The following TRDN variants were observed in gnomAD, a reference collection of about 807,000 sequenced individuals.
TRDN encodes triadin in skeletal muscle.
In TRDN, 161 loss-of-function variants were observed where a neutral mutation model predicts 149.7. The observed-to-expected ratio is 1.08, with a 90% CI of 0.95 to 1.23. TRDN has a LOEUF of 1.23. Among genes scored for constraint, TRDN ranks in the 50% most tolerant of loss-of-function variants. TRDN has a pLI of 0.00. For synonymous variants in TRDN, 294 were observed against 250.5 expected (o/e 1.17, Z -1.64); for missense variants, 896 against 823.5 (o/e 1.09, Z -1.08).
intron 8 of TRDN, 63 bp downstream of exon 8, chr6:123,503,656 G>T: frequency 1.2e-6 from 2 of 1,604,252 alleles, no homozygotes; most frequent in Non-Finnish European, 1.7e-6. Context: ...TAATTTCACT[G>T]CATGTGCTTC....
intron 9 of TRDN, among the ~76,000 whole-genome samples, chr6:123,472,740 C>T (rs963722912): frequency 1.1e-4 from 16 of 152,120 alleles, no homozygotes; most frequent in Non-Finnish European, 1.8e-4. Context: ...GATCTGAGAA[C>T]GGGCAGAGAA....
At chr6:123,436,218 G>C (rs75975090) in intron 12 of TRDN, among the ~76,000 whole-genome samples, 2,403 of 152,204 alleles carry the variant, frequency 0.016, 31 homozygotes, top group Non-Finnish European at 0.025. Context: ...ACTGCTCTAA[G>C]CAAGCAGTTT....
intron 10 of TRDN, chr6:123,439,527 A>G (rs41284432): frequency 0.12 from 18,685 of 152,334 alleles, 1,667 homozygotes; most frequent in South Asian, 0.3. Context: ...AGTGTCTGGC[A>G]GTGTGTTGGA....
intron 1 of TRDN, among the ~76,000 whole-genome samples, chr6:123,585,830 A>G (rs1200572850): frequency 6.6e-6 from 1 of 151,998 alleles, no homozygotes; most frequent in Non-Finnish European, 1.5e-5. Context: ...TGTGTGCTGG[A>G]GATGTGGCTG....
intron 22 of TRDN, among the ~76,000 whole-genome samples, chr6:123,336,860 A>G (rs1779891446): frequency 6.6e-6 from 1 of 151,350 alleles, no homozygotes; most frequent in East Asian, 1.9e-4. Context: ...GTACATATAT[A>G]TAACACATAT....
At chr6:123,282,386 G>T (rs1370187688) in intron 24 of TRDN, among the ~76,000 whole-genome samples, 1 of 151,836 alleles carries the variant, frequency 6.6e-6, no homozygotes, top group Non-Finnish European at 1.5e-5. Context: ...AATCAACAGT[G>T]ATCAACAGTG....
At chr6:123,479,360 C>G (rs1160446011) in intron 9 of TRDN, among the ~76,000 whole-genome samples, 1 of 152,080 alleles carries the variant, frequency 6.6e-6, no homozygotes, top group East Asian at 1.9e-4. Context: ...TGAACTAAAG[C>G]TTCAAGATGA....
At chr6:123,423,154 C>A (rs972553016) in intron 12 of TRDN, among the ~76,000 whole-genome samples, 1 of 152,030 alleles carries the variant, frequency 6.6e-6, no homozygotes, top group East Asian at 1.9e-4. Flanking sequence ...CATCTTTTCA[C>A]ATTAAACATT....
intron 39 of TRDN, 70 bp from the exon 40 acceptor site, chr6:123,221,592 T>C: frequency 1.9e-6 from 2 of 1,031,992 alleles, no homozygotes; most frequent in Non-Finnish European, 1.4e-6. Flanking sequence ...TATATGGGAC[T>C]GAGAATGTCT....
chr6:123,473,613 G>A (rs1002569912), intron 9 of TRDN, among the ~76,000 whole-genome samples: 2 of 151,370 alleles, frequency 1.3e-5, no homozygotes, highest in Non-Finnish European at 2.9e-5. Flanking sequence ...GATACTCCTC[G>A]AGAAGAGCAA....
chr6:123,305,111 C>T (rs1220193501), intron 24 of TRDN, among the ~76,000 whole-genome samples: 1 of 152,078 alleles, frequency 6.6e-6, no homozygotes, highest in Non-Finnish European at 1.5e-5. Context: ...TACCAAGGTG[C>T]CAAGGCTTCA....
intron 23 of TRDN, 39 bp from the exon 24 acceptor site, chr6:123,316,534 G>A (rs1292296775): frequency 5.0e-6 from 8 of 1,586,962 alleles, no homozygotes; most frequent in East Asian, 2.3e-5. Flanking sequence ...ACAAACAAAA[G>A]GGAAAAAAAT....
At chr6:123,224,286 C>A in intron 38 of TRDN, 155 bp from the exon 39 acceptor site, 1 of 650,308 alleles carries the variant, frequency 1.5e-6, no homozygotes, top group Non-Finnish European at 2.7e-6. Flanking sequence ...CTGACCAAAA[C>A]AGGCACTTCT....
At chr6:123,271,382 G>T (rs1028196045) in intron 29 of TRDN, among the ~76,000 whole-genome samples, 196 bp from the exon 30 acceptor site, 1 of 151,898 alleles carries the variant, frequency 6.6e-6, no homozygotes, top group Non-Finnish European at 1.5e-5. Flanking sequence ...AATGTCCTTT[G>T]CAGCTATCTT....
intron 7 of TRDN, among the ~76,000 whole-genome samples, chr6:123,510,476 T>C (rs1195836698): frequency 6.6e-6 from 1 of 152,106 alleles, no homozygotes; most frequent in Non-Finnish European, 1.5e-5. Flanking sequence ...CCATTTTTTC[T>C]AGTAATTGGC....
intron 1 of TRDN, among the ~76,000 whole-genome samples, chr6:123,600,695 C>T (rs1027539606): frequency 3.3e-5 from 5 of 151,918 alleles, no homozygotes; most frequent in Non-Finnish European, 4.4e-5. Context: ...AAATATTGAC[C>T]GCTCTGGTTA....
intron 10 of TRDN, chr6:123,441,188 T>A (rs796661147): frequency 1.4e-4 from 22 of 152,294 alleles, no homozygotes; most frequent in African/African-American, 5.3e-4. Flanking sequence ...TATAAAAACA[T>A]AACAATTTGA....
At chr6:123,274,556 C>A in intron 27 of TRDN, 85 bp downstream of exon 27, 1 of 1,226,898 alleles carries the variant, frequency 8.2e-7, no homozygotes, top group East Asian at 2.5e-5. Context: ...GCATGTCTCC[C>A]TAGTGAGATG....
At chr6:123,221,134 T>C (rs1582734122) in intron 40 of TRDN, among the ~76,000 whole-genome samples, 2 of 151,888 alleles carry the variant, frequency 1.3e-5, no homozygotes, top group African/African-American at 4.8e-5. Flanking sequence ...TTCTACCTGA[T>C]ATAAAAAAAT....
Sources: allele counts gnomAD v4.1 joint callset (sites outside exome capture counted in the v4.1 genomes callset), GRCh38; gene constraint gnomAD v4.1.1; transcripts MANE v1.5; gene names NCBI Gene and HGNC (gene_info 2026-07-23, HGNC 2026-07-21).